LMX1A: variants seen among roughly 807,000 people sequenced by gnomAD.
LMX1A encodes LIM homeobox transcription factor 1 alpha.
LMX1A carries 15 observed loss-of-function variants against 49.1 expected under a neutral mutation model. That is an observed-to-expected ratio of 0.31 (90% confidence interval 0.20 to 0.47). The LOEUF is 0.47. Among genes scored for constraint, LMX1A ranks in the 20% least tolerant of loss-of-function variants. LMX1A has a pLI of 1.00. For synonymous variants in LMX1A, 167 were observed against 185.7 expected (o/e 0.90, Z 0.82); for missense variants, 372 against 475.8 (o/e 0.78, Z 2.03).
At chr1:165,261,427 G>A (rs1653437124) in intron 3 of LMX1A, among the ~76,000 whole-genome samples, 1 of 152,162 alleles carries the variant, frequency 6.6e-6, no homozygotes, top group Non-Finnish European at 1.5e-5. Flanking sequence ...GAACTCTTGT[G>A]CATTGTTAGT....
intron 4 of LMX1A, chr1:165,216,150 A>G (rs1651634709): frequency 6.6e-6 from 1 of 152,230 alleles, no homozygotes. Flanking sequence ...TGGTAAGCTG[A>G]TCTCAGACAT....
chr1:165,292,409 TAGA>T (rs1169111818), intron 3 of LMX1A, among the ~76,000 whole-genome samples: 1 of 152,094 alleles, frequency 6.6e-6, no homozygotes, highest in Non-Finnish European at 1.5e-5. Flanking sequence ...GAGTCAGAAG[TAGA>T]AGGAGTTGTT....
At chr1:165,251,277 T>C (rs928181269) in intron 3 of LMX1A, among the ~76,000 whole-genome samples, 1 of 152,128 alleles carries the variant, frequency 6.6e-6, no homozygotes, top group Non-Finnish European at 1.5e-5. Flanking sequence ...GAGATGAGGT[T>C]TCACCATGTT....
chr1:165,337,678 C>A (rs1184221430), intron 3 of LMX1A, among the ~76,000 whole-genome samples: 26 of 152,140 alleles, frequency 1.7e-4, no homozygotes, highest in African/African-American at 2.4e-5. Flanking sequence ...TTTAAAATAG[C>A]TTGCTTGTGG....
At chr1:165,342,792 A>G (rs1365567578) in intron 3 of LMX1A, among the ~76,000 whole-genome samples, 1 of 152,022 alleles carries the variant, frequency 6.6e-6, no homozygotes, top group Admixed American at 6.6e-5. Flanking sequence ...GAGCTGGTTC[A>G]ACAGGACAAA....
rs554629393 is a variant in LMX1A at position 165,302,440 on chromosome 1, T to C, written c.263+50636A>G. Among the ~76,000 whole-genome samples, 5 of 149,336 alleles carry C rather than the reference T, an allele frequency of 3.3e-5. No individual in the cohort carries two copies. The South Asian group carries it at 1.1e-3, about 32-fold the overall frequency. On this transcript the variant is annotated intron_variant, in intron 3 of 8. Transcript: ENST00000342310. Reference sequence around the variant, plus strand: ...GCCTGGGCAACAGAGTGAGACTCCATCAAAAAAAATAAAATAAAATAAAGG... The same window carrying C: ...GCCTGGGCAACAGAGTGAGACTCCACCAAAAAAAATAAAATAAAATAAAGG...
In LMX1A at chr1:165,249,524, C is replaced by G; in HGVS notation, c.380G>C (p.Arg127Pro). 6.2e-7 allele frequency: 1 copy of G among 1,614,124 alleles called. No individual in the cohort carries two copies. The change falls in exon 4 of 9, where the codon CGA becomes CCA. Residue 127 changes from arginine to proline, a missense_variant. This residue lies in a region of LMX1A where 199 missense variants were observed against 244.0 expected (regional missense o/e 0.82). Transcript: ENST00000342310. ...AAACTCATCACCCTTCTGAAGCTGT[C>G]GCTCGCAGACACAGCAGCAGAAGCA... ...LSCFCCCVCE[R>P]QLQKGDEFVL...
chr1:165,348,492 G>A (rs902856044), intron 3 of LMX1A, among the ~76,000 whole-genome samples: 11 of 152,116 alleles, frequency 7.2e-5, no homozygotes, highest in Non-Finnish European at 1.3e-4. Context: ...TGCTTATGCC[G>A]AGCTAAGCCC....
At chr1:165,342,443 C>T (rs1656104148) in intron 3 of LMX1A, among the ~76,000 whole-genome samples, 3 of 152,086 alleles carry the variant, frequency 2.0e-5, no homozygotes, top group African/African-American at 7.2e-5. Context: ...CAATAGCAAA[C>T]CCTGGGAGCT....
At chr1:165,232,239 T>C in intron 4 of LMX1A, among the ~76,000 whole-genome samples, 1 of 149,910 alleles carries the variant, frequency 6.7e-6, no homozygotes, top group East Asian at 2.0e-4. Flanking sequence ...GAGATCTACA[T>C]CCCTGTCCTG....
intron 4 of LMX1A, among the ~76,000 whole-genome samples, chr1:165,215,583 GT>G (rs1423678554): frequency 1.3e-5 from 2 of 152,150 alleles, no homozygotes; most frequent in African/African-American, 4.8e-5. Flanking sequence ...GGCCTATGCT[GT>G]TTTAGTGTAG....
chr1:165,266,805 G>A lies in LMX1A; in HGVS notation c.264-17165C>T, dbSNP rs917722608. Among the ~76,000 whole-genome samples the A allele has an allele frequency of 2.6e-5, 4 of 151,956 alleles. No homozygotes were observed. The East Asian group carries it at 5.8e-4, about 22-fold the overall frequency. ...TTTAATAGAGGCAGGGTTTCACCGC[G>A]TTAGCCAGGGTGGTCTCGATCTCCT... On this transcript the variant is annotated intron_variant, in intron 3 of 8. Transcript: ENST00000342310.
At chr1:165,233,316 A>T (rs72702414) in intron 4 of LMX1A, among the ~76,000 whole-genome samples, 3 of 152,072 alleles carry the variant, frequency 2.0e-5, no homozygotes, top group Non-Finnish European at 2.9e-5. Flanking sequence ...TTAGCCAGAC[A>T]TGGTGGTACA....
intron 4 of LMX1A, among the ~76,000 whole-genome samples, chr1:165,233,594 G>C (rs1473998653): frequency 6.6e-6 from 1 of 152,196 alleles, no homozygotes; most frequent in African/African-American, 2.4e-5. Context: ...TGGTCCAAAA[G>C]AACCTTCAAA....
chr1:165,234,023 T>C (rs547115867), intron 4 of LMX1A, among the ~76,000 whole-genome samples: 24 of 152,274 alleles, frequency 1.6e-4, no homozygotes, highest in Non-Finnish European at 2.9e-4. Context: ...ACTCCTCTTT[T>C]GAAAAAACAG....
intron 4 of LMX1A, chr1:165,218,641 G>T (rs900911409): frequency 3.9e-5 from 6 of 152,234 alleles, no homozygotes; most frequent in Non-Finnish European, 8.8e-5. Context: ...ATGAAAATAT[G>T]CAGTGCCTAA....
At chr1:165,354,994 G>T (rs1282790064) in intron 2 of LMX1A, among the ~76,000 whole-genome samples, 1 of 152,088 alleles carries the variant, frequency 6.6e-6, no homozygotes, top group Admixed American at 6.5e-5. Context: ...TAATCCCCGC[G>T]CTGCGTTGCC....
chr1:165,343,193 A>T (rs1656131109), intron 3 of LMX1A, among the ~76,000 whole-genome samples: 1 of 152,170 alleles, frequency 6.6e-6, no homozygotes, highest in Non-Finnish European at 1.5e-5. Context: ...TGAGTTTGGT[A>T]CTATCATTAT....
rs1185297308 is a variant in LMX1A at position 165,203,104 on chromosome 1, C to T, written c.*776G>A. ...GTCTGGGCTTTACATTTTCTCAGAA[C>T]ATGATCAGAGATTATTCTGTCCCAC... On this transcript the variant is annotated 3_prime_UTR_variant, in exon 9 of 9. Transcript: ENST00000342310. 1 of 152,576 alleles carries T rather than the reference C, an allele frequency of 6.6e-6. No homozygotes were observed. The highest frequency in any genetic ancestry group is 1.5e-5 in the Non-Finnish European group (1 of 68,054). 9.5% of individuals were successfully genotyped at this position (152,576 alleles called of 1,614,324 possible). A position where few individuals can be genotyped will look rare whatever the true frequency, so the allele number is the denominator to read the frequency against.
Sources: allele counts gnomAD v4.1 joint callset (sites outside exome capture counted in the v4.1 genomes callset), GRCh38; gene constraint gnomAD v4.1.1; regional missense constraint gnomAD v4.1.1; transcripts MANE v1.5; gene names NCBI Gene and HGNC (gene_info 2026-07-23, HGNC 2026-07-21).